The following ELK3 variants were observed in gnomAD, a reference collection of about 807,000 sequenced individuals.
ELK3 encodes the protein ETS transcription factor ELK3.
A neutral mutation model predicts 28.9 loss-of-function variants in ELK3; 10 were observed. That is an observed-to-expected ratio of 0.35 (90% CI 0.21 to 0.59). ELK3 has a LOEUF of 0.59. Among genes scored for constraint, ELK3 ranks in the 20% least tolerant of loss-of-function variants. The pLI is 0.82. For synonymous variants in ELK3, 272 were observed against 243.5 expected (o/e 1.12, Z -1.09); for missense variants, 463 against 517.3 (o/e 0.90, Z 1.02).
At chr12:96,258,547 C>T (rs751780974) in intron 3 of ELK3, among the ~76,000 whole-genome samples, 3 of 152,218 alleles carry the variant, frequency 2.0e-5, no homozygotes, top group African/African-American at 4.8e-5. Context: ...GAAAGGCTGG[C>T]GCCTTTGCTG....
intron 1 of ELK3, among the ~76,000 whole-genome samples, chr12:96,209,990 G>A (rs1224320888): frequency 6.6e-6 from 1 of 151,730 alleles, no homozygotes; most frequent in Non-Finnish European, 1.5e-5. Flanking sequence ...GCTGCAATGA[G>A]GATTTGTTTA....
chr12:96,214,734 T>C (rs570920306), intron 1 of ELK3, among the ~76,000 whole-genome samples: 1 of 151,336 alleles, frequency 6.6e-6, no homozygotes, highest in South Asian at 2.1e-4. Context: ...CTTGTATAAG[T>C]TTTTTTTTCA....
At chr12:96,203,081 C>G (rs1951517023) in intron 1 of ELK3, among the ~76,000 whole-genome samples, 1 of 152,002 alleles carries the variant, frequency 6.6e-6, no homozygotes, top group Non-Finnish European at 1.5e-5. Flanking sequence ...CGGGGTTTCA[C>G]CATGCTGGCC....
At chr12:96,229,641 C>T (rs903818059) in intron 2 of ELK3, among the ~76,000 whole-genome samples, 2 of 148,272 alleles carry the variant, frequency 1.3e-5, no homozygotes, top group Admixed American at 1.4e-4. Flanking sequence ...AAGGGAGTCT[C>T]CTGCCTCAGC....
At chr12:96,250,525 C>T (rs1382422938) in intron 3 of ELK3, among the ~76,000 whole-genome samples, 4 of 152,216 alleles carry the variant, frequency 2.6e-5, no homozygotes, top group Non-Finnish European at 5.9e-5. Context: ...CCACCAGCAC[C>T]AGCTCAGTAG....
chr12:96,211,839 T>G (rs1951581602), intron 1 of ELK3, among the ~76,000 whole-genome samples: 1 of 152,206 alleles, frequency 6.6e-6, no homozygotes, highest in Admixed American at 6.5e-5. Context: ...AAATAAAAAC[T>G]TTTCTGTGTC....
intron 2 of ELK3, among the ~76,000 whole-genome samples, chr12:96,241,290 C>T (rs1041529985): frequency 6.6e-6 from 1 of 152,146 alleles, no homozygotes; most frequent in Non-Finnish European, 1.5e-5. Flanking sequence ...AATCTAATTC[C>T]ATATGCATCT....
intron 2 of ELK3, among the ~76,000 whole-genome samples, chr12:96,225,055 G>C (rs1308869125): frequency 1.2e-4 from 18 of 152,144 alleles, no homozygotes; most frequent in Admixed American, 1.1e-3. Context: ...TTACTGCAGA[G>C]TCCTACTAAG....
At chr12:96,254,366 G>A (rs1185866735) in intron 3 of ELK3, among the ~76,000 whole-genome samples, 1 of 151,970 alleles carries the variant, frequency 6.6e-6, no homozygotes, top group Non-Finnish European at 1.5e-5. Flanking sequence ...AGGTATAAGT[G>A]AAAAAAATCT....
chr12:96,246,888 C>T (rs1372329578), intron 2 of ELK3, 52 bp from the exon 3 acceptor site: 2 of 1,520,706 alleles, frequency 1.3e-6, no homozygotes, highest in Admixed American at 4.1e-5. Flanking sequence ...TGAGCTCTTA[C>T]ATGGTTTCTC....
At chr12:96,217,890 A>T (rs1173773971) in intron 1 of ELK3, among the ~76,000 whole-genome samples, 1 of 146,532 alleles carries the variant, frequency 6.8e-6, no homozygotes, top group Non-Finnish European at 1.5e-5. Flanking sequence ...GTGAGCCGAG[A>T]TCGCACCACT....
chr12:96,211,449 T>C (rs1951577189), intron 1 of ELK3, among the ~76,000 whole-genome samples: 1 of 140,650 alleles, frequency 7.1e-6, no homozygotes, highest in African/African-American at 2.7e-5. Context: ...GGACCAAATA[T>C]GTGAAGAGGA....
intron 2 of ELK3, among the ~76,000 whole-genome samples, chr12:96,239,028 AG>A (rs1565786733): frequency 1.3e-5 from 2 of 152,174 alleles, no homozygotes; most frequent in African/African-American, 4.8e-5. Flanking sequence ...CGGCTCCACC[AG>A]TTACAAGCTG....
chr12:96,218,583 AC>A (rs913569965), intron 1 of ELK3, among the ~76,000 whole-genome samples: 20 of 151,954 alleles, frequency 1.3e-4, no homozygotes, highest in African/African-American at 4.8e-4. Flanking sequence ...TACCCATGTA[AC>A]AAACATGCAT....
At chr12:96,210,595 A>ACCCC (rs112788515) in intron 1 of ELK3, among the ~76,000 whole-genome samples, 1 of 150,208 alleles carries the variant, frequency 6.7e-6, no homozygotes, top group African/African-American at 2.5e-5. Flanking sequence ...ACACACACAC[A>ACCCC]CACCCCGAGT....
intron 1 of ELK3, among the ~76,000 whole-genome samples, chr12:96,208,911 G>T (rs1951557174): frequency 6.6e-6 from 1 of 152,240 alleles, no homozygotes; most frequent in African/African-American, 2.4e-5. Flanking sequence ...GCACCTCTCT[G>T]CCAGGAAACA....
rs79315054 is a variant in ELK3, at chr12:96,253,000, C to T, written c.1002+5266C>T. Among the ~76,000 whole-genome samples, 330 of 152,334 alleles carry T rather than the reference C, an allele frequency of 2.2e-3. 8 individuals are homozygous for T. The East Asian group carries it at 0.049, about 23-fold the overall frequency. On this transcript the variant is annotated intron_variant, in intron 3 of 4. Transcript: ENST00000228741. Reference sequence around the variant, plus strand: ...ATTGGGCCAGGTGCGCTGGCTCACGCCTGTAATCGCAGCACTTTGGGAGGC... The same window carrying T: ...ATTGGGCCAGGTGCGCTGGCTCACGTCTGTAATCGCAGCACTTTGGGAGGC...
chr12:96,200,184 A>G (rs1303364232), intron 1 of ELK3, among the ~76,000 whole-genome samples: 1 of 151,992 alleles, frequency 6.6e-6, no homozygotes, highest in Non-Finnish European at 1.5e-5. Flanking sequence ...TTTATGATTT[A>G]TTTGTGTTGG....
intron 1 of ELK3, among the ~76,000 whole-genome samples, chr12:96,215,859 C>T (rs1333799998): frequency 2.6e-5 from 4 of 152,062 alleles, no homozygotes; most frequent in Non-Finnish European, 4.4e-5. Flanking sequence ...GTCTCGAATT[C>T]CTGGGCTCAA....
Sources: allele counts gnomAD v4.1 joint callset (sites outside exome capture counted in the v4.1 genomes callset), GRCh38; gene constraint gnomAD v4.1.1; transcripts MANE v1.5; gene names NCBI Gene and HGNC (gene_info 2026-07-23, HGNC 2026-07-21).